The following ANKRD44 variants were observed in gnomAD, a reference collection of about 807,000 sequenced individuals.
The protein encoded by ANKRD44 is serine/threonine-protein phosphatase 6 regulatory ankyrin repeat subunit B.
In ANKRD44, 35 loss-of-function variants were observed where a neutral mutation model predicts 116.0. The ratio of observed to expected loss-of-function variants is 0.30; its 90% confidence interval spans 0.23 to 0.40. The LOEUF (loss-of-function observed/expected upper bound fraction) is 0.40. Among genes scored for constraint, ANKRD44 ranks in the 10% least tolerant of loss-of-function variants. The pLI is 1.00. For missense variants in ANKRD44, 1,014 were observed against 1,242.6 expected, an observed-to-expected ratio of 0.82 and a Z score of 2.77; for synonymous variants, 435 against 461.8, an observed-to-expected ratio of 0.94 and a Z score of 0.74.
chr2:197,181,362 GTTAA>G (rs2080501133), intron 2 of ANKRD44, among the ~76,000 whole-genome samples: 1 of 78,998 alleles, frequency 1.3e-5, no homozygotes, highest in Non-Finnish European at 2.6e-5. Context: ...AGGCATCGTT[GTTAA>G]TTCTATTTGG....
At chr2:196,991,662 G>T (rs1461886656) in intron 27 of ANKRD44, among the ~76,000 whole-genome samples, 1 of 152,058 alleles carries the variant, frequency 6.6e-6, no homozygotes, top group East Asian at 1.9e-4. Flanking sequence ...TTTTACTACA[G>T]CCTTGTCTTC....
intron 1 of ANKRD44, among the ~76,000 whole-genome samples, chr2:197,204,267 G>C (rs1210937720): frequency 6.6e-6 from 1 of 152,000 alleles, no homozygotes; most frequent in Non-Finnish European, 1.5e-5. Flanking sequence ...AGAAAAACAA[G>C]GACTAGAAGA....
intron 26 of ANKRD44, among the ~76,000 whole-genome samples, chr2:196,993,907 C>T (rs1208664688): frequency 6.6e-6 from 1 of 152,204 alleles, no homozygotes; most frequent in Non-Finnish European, 1.5e-5. Context: ...TATTCTGCAT[C>T]TCAAACAATC....
chr2:197,198,450 G>A (rs1024486168), intron 1 of ANKRD44, among the ~76,000 whole-genome samples: 11 of 152,222 alleles, frequency 7.2e-5, no homozygotes, highest in African/African-American at 2.6e-4. Flanking sequence ...ATGGAGTACC[G>A]CTCAGTTGTC....
intron 4 of ANKRD44, among the ~76,000 whole-genome samples, chr2:197,128,215 C>T (rs2079021464): frequency 6.6e-6 from 1 of 152,224 alleles, no homozygotes; most frequent in South Asian, 2.1e-4. Flanking sequence ...TAAGAAGTCA[C>T]CACACTGTCT....
intron 21 of ANKRD44, among the ~76,000 whole-genome samples, chr2:196,973,888 C>T (rs1463871772): frequency 2.0e-5 from 3 of 152,274 alleles, no homozygotes; most frequent in African/African-American, 7.2e-5. Context: ...CACTGAGACC[C>T]ACCATGGTTA....
At chr2:197,103,065 C>CA (rs1178782030) in intron 9 of ANKRD44, among the ~76,000 whole-genome samples, 1 of 151,738 alleles carries the variant, frequency 6.6e-6, no homozygotes. Context: ...CCATCTCTAC[C>CA]AAAAACACAA....
intron 17 of ANKRD44, chr2:197,015,428 A>C: frequency 1.9e-6 from 1 of 537,650 alleles, no homozygotes; most frequent in Non-Finnish European, 3.4e-6. Context: ...ACAGTTGATA[A>C]AACTGTCATT....
At chr2:197,197,123 A>G (rs560845448) in intron 1 of ANKRD44, among the ~76,000 whole-genome samples, 1 of 152,346 alleles carries the variant, frequency 6.6e-6, no homozygotes, top group East Asian at 1.9e-4. Flanking sequence ...AAAAAGTCAC[A>G]TGGAATGAAA....
At chr2:197,197,147 T>A (rs901479701) in intron 1 of ANKRD44, among the ~76,000 whole-genome samples, 1 of 152,054 alleles carries the variant, frequency 6.6e-6, no homozygotes, top group African/African-American at 2.4e-5. Flanking sequence ...TATTAGAGAA[T>A]CCCCTCAGTG....
chr2:197,127,071 G>T (rs2078993478), intron 4 of ANKRD44, among the ~76,000 whole-genome samples: 1 of 152,166 alleles, frequency 6.6e-6, no homozygotes, highest in Admixed American at 6.5e-5. Context: ...AAAGCCCTAA[G>T]GTTCATCTGA....
intron 9 of ANKRD44, among the ~76,000 whole-genome samples, chr2:197,104,333 C>A (rs2078375190): frequency 6.6e-6 from 1 of 152,168 alleles, no homozygotes; most frequent in Non-Finnish European, 1.5e-5. Context: ...GTTGGCCAGG[C>A]TGGTCTCGAA....
rs137925068 is a variant in ANKRD44 at position 197,004,456 on chromosome 2, A to G, written c.2347+1238T>C. Among the ~76,000 whole-genome samples, 137 of 152,312 alleles carry G rather than the reference A, an allele frequency of 9.0e-4. 7 individuals are homozygous for G. Among genetic ancestry groups the G allele is most frequent in the Admixed American group, 9.1e-4 (14 of 15,308 alleles). The stretch of plus-strand genomic sequence containing the variant: ...TCCCACAAGCATACGAGAAAAGATA[A>G]ATAGCTCAATAGGAAAAAAGTGAAC... On this transcript the variant is annotated intron_variant, in intron 21 of 27. Transcript: ENST00000282272.
At chr2:197,029,812 T>G (rs954477936) in intron 16 of ANKRD44, 1 of 292,534 alleles carries the variant, frequency 3.4e-6, no homozygotes, top group Admixed American at 5.2e-5. Flanking sequence ...GGTCTTCTTG[T>G]AGCCTTCAAC....
At chr2:197,208,661 G>C (rs911306445) in intron 1 of ANKRD44, among the ~76,000 whole-genome samples, 1 of 152,012 alleles carries the variant, frequency 6.6e-6, no homozygotes, top group Admixed American at 6.6e-5. Flanking sequence ...TTAGCCGAGC[G>C]TGGTGGTGGG....
chr2:197,197,809 C>CAAAAAAAAAAAAA (rs199994103), intron 1 of ANKRD44, among the ~76,000 whole-genome samples: 9 of 114,164 alleles, frequency 7.9e-5, no homozygotes, highest in African/African-American at 2.4e-4. Context: ...AATCCTGTCT[C>CAAAAAAAAAAAAA]AAAAAAAAAA....
chr2:197,108,331 ACACTTGGCTTTATCATTAT>A (rs1289371792), intron 9 of ANKRD44, among the ~76,000 whole-genome samples: 1 of 152,218 alleles, frequency 6.6e-6, no homozygotes, highest in Admixed American at 6.5e-5. Flanking sequence ...CACACTATGA[ACACTTGGCTTTATCATTAT>A]CACTTAGCTT....
At chr2:197,181,823 A>G (rs1311222003) in intron 2 of ANKRD44, among the ~76,000 whole-genome samples, 2 of 152,230 alleles carry the variant, frequency 1.3e-5, no homozygotes, top group Non-Finnish European at 2.9e-5. Flanking sequence ...GCTTACAACC[A>G]CATGACATAA....
At chr2:197,125,546 G>C (rs1018195605) in intron 5 of ANKRD44, 78 bp from the exon 6 acceptor site, 2 of 1,320,294 alleles carry the variant, frequency 1.5e-6, no homozygotes, top group African/African-American at 2.9e-5. Context: ...GATGATCTGA[G>C]CCAAATTAAC....
Sources: gnomAD v4.1 joint callset for allele counts (sites outside exome capture counted in the v4.1 genomes callset) on GRCh38, gnomAD v4.1.1 for gene constraint, MANE v1.5 for transcripts, NCBI Gene and HGNC (gene_info 2026-07-23, HGNC 2026-07-21) for gene names.